PEBP4: variants seen among roughly 807,000 people sequenced by gnomAD.
PEBP4 encodes phosphatidylethanolamine-binding protein 4.
PEBP4 carries 22 observed loss-of-function variants against 23.9 expected under a neutral mutation model. The observed-to-expected ratio is 0.92, with a 90% CI of 0.66 to 1.31. The LOEUF is 1.31. Ranked by LOEUF, PEBP4 falls within the 40% of genes most tolerant of loss-of-function variation. PEBP4 has a pLI of 0.00. For synonymous variants in PEBP4, 112 were observed against 99.3 expected, an observed-to-expected ratio of 1.13 and a Z score of -0.76; for missense variants, 324 against 281.7, an observed-to-expected ratio of 1.15 and a Z score of -1.07.
At chr8:22,872,786 C>T (rs1321709292) in intron 3 of PEBP4, among the ~76,000 whole-genome samples, 1 of 152,160 alleles carries the variant, frequency 6.6e-6, no homozygotes, top group Non-Finnish European at 1.5e-5. Context: ...AAGTGATTCT[C>T]CTGCCTCTGC....
chr8:22,736,450 A>T (rs1051507690), intron 4 of PEBP4, among the ~76,000 whole-genome samples: 12 of 151,862 alleles, frequency 7.9e-5, no homozygotes, highest in African/African-American at 2.9e-4. Flanking sequence ...ACAAAATATT[A>T]AAAAAATTAA....
intron 3 of PEBP4, among the ~76,000 whole-genome samples, chr8:22,867,892 T>C (rs1807937427): frequency 6.6e-6 from 1 of 152,164 alleles, no homozygotes; most frequent in East Asian, 1.9e-4. Context: ...GGGACCTGGG[T>C]TACCAATATT....
chr8:22,940,963 G>T (rs891785138), intron 1 of PEBP4, among the ~76,000 whole-genome samples: 3 of 152,184 alleles, frequency 2.0e-5, no homozygotes, highest in Non-Finnish European at 4.4e-5. Flanking sequence ...ACCTTGACAG[G>T]TTTCTGGCCT....
intron 4 of PEBP4, among the ~76,000 whole-genome samples, chr8:22,759,799 C>T (rs7846693): frequency 0.21 from 31,333 of 152,134 alleles, 3,698 homozygotes; most frequent in South Asian, 0.3. Flanking sequence ...TGGCTGGTTC[C>T]GAAGGGCTCA....
intron 2 of PEBP4, among the ~76,000 whole-genome samples, chr8:22,921,921 G>A (rs778265450): frequency 2.6e-5 from 4 of 152,244 alleles, no homozygotes; most frequent in Non-Finnish European, 4.4e-5. Context: ...AAACAGCACA[G>A]GATGGGAAAA....
intron 4 of PEBP4, among the ~76,000 whole-genome samples, chr8:22,765,488 T>C (rs1024521336): frequency 3.9e-5 from 6 of 152,152 alleles, no homozygotes; most frequent in Non-Finnish European, 8.8e-5. Flanking sequence ...GGGACAAACA[T>C]TGTCCCTCAT....
At chr8:22,913,567 C>G (rs1223261050) in intron 3 of PEBP4, among the ~76,000 whole-genome samples, 6 of 152,150 alleles carry the variant, frequency 3.9e-5, no homozygotes, top group Non-Finnish European at 7.4e-5. Flanking sequence ...CTGCACCCCT[C>G]CTGCCCACTA....
chr8:22,918,701 A>G (rs7832111), intron 3 of PEBP4, among the ~76,000 whole-genome samples: 4,387 of 152,280 alleles, frequency 0.029, 217 homozygotes, highest in African/African-American at 0.1. Flanking sequence ...AAACCCCAAG[A>G]CAAGTGAATG....
chr8:22,795,916 C>G (rs1476970617), intron 4 of PEBP4, among the ~76,000 whole-genome samples: 1 of 152,126 alleles, frequency 6.6e-6, no homozygotes, highest in Non-Finnish European at 1.5e-5. Context: ...TTCTAAGTGT[C>G]AAAGACATTT....
At chr8:22,899,763 G>A (rs773337094) in intron 3 of PEBP4, among the ~76,000 whole-genome samples, 6 of 152,160 alleles carry the variant, frequency 3.9e-5, no homozygotes, top group African/African-American at 9.7e-5. Context: ...CGCAGAATTC[G>A]TGCATGCACT....
At chr8:22,731,644 T>A (rs904358018) in intron 4 of PEBP4, among the ~76,000 whole-genome samples, 1 of 103,676 alleles carries the variant, frequency 9.6e-6, no homozygotes, top group African/African-American at 4.5e-5. Context: ...TATTTATTTA[T>A]CTATCTATCT....
Position 22,857,970 on chromosome 8 carries a change from G to A in PEBP4, c.259-40235C>T, listed in dbSNP as rs112162971. ...TGTGTTGGGCGATGCTTCACGGACC[G>A]TCCATGGGGCAAACTCTTAGTTGTT... On this transcript the variant is annotated intron_variant, in intron 3 of 6. Coordinates refer to ENST00000256404, the MANE Select transcript of PEBP4 (RefSeq NM_144962.3). Among the ~76,000 whole-genome samples the A allele has an allele frequency of 3.8e-3, 585 of 152,272 alleles. 3 individuals carry two copies. The highest frequency in any genetic ancestry group is 0.013 in the African/African-American group (527 of 41,538).
At chr8:22,930,348 G>C (rs1052710631), upstream of PEBP4, among the ~76,000 whole-genome samples, 1 of 152,028 alleles carries the variant, frequency 6.6e-6, no homozygotes, top group South Asian at 2.1e-4. Context: ...TAAACAATTA[G>C]AGCACTTTAC....
intron 3 of PEBP4, among the ~76,000 whole-genome samples, chr8:22,881,499 C>G (rs1242590653): frequency 6.6e-6 from 1 of 152,212 alleles, no homozygotes; most frequent in African/African-American, 2.4e-5. Flanking sequence ...CTGGGACCAT[C>G]TCACTCGCAG....
intron 2 of PEBP4, among the ~76,000 whole-genome samples, chr8:22,924,100 T>C (rs1210963085): frequency 6.6e-6 from 1 of 152,116 alleles, no homozygotes; most frequent in Non-Finnish European, 1.5e-5. Context: ...TGGCAGTGCA[T>C]GCCTGTAATA....
intron 4 of PEBP4, among the ~76,000 whole-genome samples, chr8:22,786,209 G>A (rs1027018510): frequency 6.6e-6 from 1 of 152,184 alleles, no homozygotes; most frequent in Non-Finnish European, 1.5e-5. Flanking sequence ...AATACATTAT[G>A]TATTCTGGGG....
intron 4 of PEBP4, among the ~76,000 whole-genome samples, chr8:22,763,216 G>T (rs769097478): frequency 6.6e-6 from 1 of 152,086 alleles, no homozygotes; most frequent in Non-Finnish European, 1.5e-5. Context: ...TGTTGGCCAG[G>T]CTGGTCTCGA....
At chr8:22,818,879 G>T (rs750396465) in intron 3 of PEBP4, among the ~76,000 whole-genome samples, 8 of 152,132 alleles carry the variant, frequency 5.3e-5, no homozygotes, top group Non-Finnish European at 8.8e-5. Flanking sequence ...GCAGTAAGGA[G>T]GGGGATGGAG....
chr8:22,722,362 G>C (rs77531042), intron 6 of PEBP4, among the ~76,000 whole-genome samples: 6,717 of 152,218 alleles, frequency 0.044, 488 homozygotes, highest in African/African-American at 0.15. Flanking sequence ...AGGAAACTGA[G>C]GCCCAGCGAG....
Sources: gnomAD v4.1 joint callset for allele counts (sites outside exome capture counted in the v4.1 genomes callset) on GRCh38, gnomAD v4.1.1 for gene constraint, MANE v1.5 for transcripts, NCBI Gene and HGNC (gene_info 2026-07-23, HGNC 2026-07-21) for gene names.